The following DLGAP1 variants were observed in gnomAD, a reference collection of about 807,000 sequenced individuals.
The protein encoded by DLGAP1 is DLG associated protein 1, also known as disks large-associated protein 1.
Under a neutral mutation model 90.8 loss-of-function variants are expected in DLGAP1, and 11 were observed. The observed-to-expected ratio is 0.12, with a 90% confidence interval of 0.08 to 0.20. DLGAP1 has a LOEUF of 0.20. Among genes scored for constraint, DLGAP1 ranks in the 10% least tolerant of loss-of-function variants. The pLI, the probability that DLGAP1 is intolerant of heterozygous loss-of-function variation, is 1.00. For missense variants in DLGAP1, 1,050 were observed against 1,333.8 expected (o/e 0.79, Z 3.31); for synonymous variants, 558 against 540.7 (o/e 1.03, Z -0.44).
intron 6 of DLGAP1, among the ~76,000 whole-genome samples, chr18:3,736,579 T>A (rs1205205854): frequency 6.6e-6 from 1 of 152,180 alleles, no homozygotes; most frequent in African/African-American, 2.4e-5. Flanking sequence ...TTTGAGAAAA[T>A]AGCTCTAACA....
chr18:4,136,989 T>C (rs1404589262), intron 2 of DLGAP1, among the ~76,000 whole-genome samples: 3 of 152,146 alleles, frequency 2.0e-5, no homozygotes, highest in African/African-American at 4.8e-5. Context: ...CATGTTGGTG[T>C]GCTGCACCCA....
chr18:3,657,169 G>A (rs188535991), intron 7 of DLGAP1, among the ~76,000 whole-genome samples: 74 of 152,192 alleles, frequency 4.9e-4, no homozygotes, highest in Non-Finnish European at 9.0e-4. Flanking sequence ...CTAATCTTAC[G>A]CAATAGTCAT....
chr18:4,083,162 C>T (rs1298256464), intron 2 of DLGAP1, among the ~76,000 whole-genome samples: 5 of 152,180 alleles, frequency 3.3e-5, no homozygotes. Flanking sequence ...AGAAGGAACA[C>T]CCCAATTATT....
At chr18:4,025,423 A>C (rs2074683464) in intron 2 of DLGAP1, among the ~76,000 whole-genome samples, 1 of 152,124 alleles carries the variant, frequency 6.6e-6, no homozygotes, top group Non-Finnish European at 1.5e-5. Flanking sequence ...ATATTCCAAA[A>C]CCCAAAAAAA....
intron 1 of DLGAP1, among the ~76,000 whole-genome samples, chr18:4,198,770 A>C (rs2077550885): frequency 6.6e-6 from 1 of 152,212 alleles, no homozygotes; most frequent in African/African-American, 2.4e-5. Flanking sequence ...TTGTAGGTGC[A>C]TATCAAATGA....
intron 1 of DLGAP1, among the ~76,000 whole-genome samples, chr18:4,300,380 G>A (rs1016612194): frequency 1.3e-5 from 2 of 152,098 alleles, no homozygotes; most frequent in African/African-American, 2.4e-5. Flanking sequence ...AATATCACAT[G>A]CAAGACAAAA....
intron 3 of DLGAP1, among the ~76,000 whole-genome samples, chr18:3,942,051 T>C (rs369414686): frequency 6.6e-6 from 1 of 152,162 alleles, no homozygotes. Context: ...AATCACCAGG[T>C]CTTTCTTAGG....
At chr18:3,520,750 T>C (rs1469002634) in intron 10 of DLGAP1, among the ~76,000 whole-genome samples, 1 of 152,240 alleles carries the variant, frequency 6.6e-6, no homozygotes, top group Non-Finnish European at 1.5e-5. Flanking sequence ...GGTACTTTAT[T>C]ATGGCAGCCT....
rs534602278 is a variant in DLGAP1 at position 3,718,723 on chromosome 18, C to T, written c.1591+10412G>A. Among the ~76,000 whole-genome samples the T allele has an allele frequency of 2.3e-3, 345 of 148,496 alleles. 1 individual carries two copies. The highest frequency in any genetic ancestry group is 3.7e-3 in the Non-Finnish European group (250 of 66,794). ...GGTGGATCGCCTGAGGTCAGGAGTT[C>T]GAGACCAGCCTGGCCAACATGGTGA... On this transcript the variant is annotated intron_variant, in intron 7 of 12. Transcript: ENST00000315677.
At chr18:4,205,625 T>C (rs2077705189) in intron 1 of DLGAP1, among the ~76,000 whole-genome samples, 1 of 152,180 alleles carries the variant, frequency 6.6e-6, no homozygotes, top group Non-Finnish European at 1.5e-5. Context: ...CCCAAACTGC[T>C]GGGATTATAG....
chr18:4,171,871 T>G (rs1299077718), intron 1 of DLGAP1, among the ~76,000 whole-genome samples: 1 of 152,134 alleles, frequency 6.6e-6, no homozygotes, highest in Non-Finnish European at 1.5e-5. Flanking sequence ...CACTTCTGAG[T>G]GTATATTGGA....
At chr18:4,267,051 C>T (rs967992130) in intron 1 of DLGAP1, among the ~76,000 whole-genome samples, 3 of 152,134 alleles carry the variant, frequency 2.0e-5, no homozygotes, top group Non-Finnish European at 2.9e-5. Context: ...AACTATTTGC[C>T]TTTTCTTTTT....
chr18:4,271,471 A>C (rs1218481219), intron 1 of DLGAP1, among the ~76,000 whole-genome samples: 1 of 152,238 alleles, frequency 6.6e-6, no homozygotes, highest in Non-Finnish European at 1.5e-5. Flanking sequence ...TACTGCAAAT[A>C]AGAAAAATTT....
intron 4 of DLGAP1, among the ~76,000 whole-genome samples, chr18:3,876,201 G>A (rs2070999311): frequency 7.4e-6 from 1 of 136,012 alleles, no homozygotes; most frequent in South Asian, 2.4e-4. Context: ...TCATTTCCTA[G>A]AAGCAAGAAG....
intron 5 of DLGAP1, among the ~76,000 whole-genome samples, chr18:3,760,598 G>A (rs1568086010): frequency 6.6e-6 from 1 of 152,146 alleles, no homozygotes; most frequent in African/African-American, 2.4e-5. Flanking sequence ...GGAGGTCTGT[G>A]TGAGAACGCG....
chr18:3,509,057 G>T (rs2050391506), intron 10 of DLGAP1, among the ~76,000 whole-genome samples: 1 of 151,756 alleles, frequency 6.6e-6, no homozygotes, highest in Non-Finnish European at 1.5e-5. Context: ...TGGATTGATG[G>T]AGTCAGCCGT....
chr18:3,949,078 A>G (rs940733433), intron 3 of DLGAP1, among the ~76,000 whole-genome samples: 4 of 152,244 alleles, frequency 2.6e-5, no homozygotes, highest in African/African-American at 7.2e-5. Context: ...AGAAAAGTTT[A>G]AGAAAAAGAG....
chr18:4,363,854 C>G (rs1378116972), intron 1 of DLGAP1, among the ~76,000 whole-genome samples: 1 of 142,170 alleles, frequency 7.0e-6, no homozygotes, highest in Non-Finnish European at 1.6e-5. Flanking sequence ...GTGGCGATTC[C>G]TCAGGGATCT....
intron 1 of DLGAP1, among the ~76,000 whole-genome samples, chr18:4,373,111 G>C (rs1281354705): frequency 1.3e-5 from 2 of 151,982 alleles, no homozygotes; most frequent in African/African-American, 2.4e-5. Flanking sequence ...AGTGTAGACA[G>C]TGGGCAGCCA....
Sources: allele counts gnomAD v4.1 joint callset (sites outside exome capture counted in the v4.1 genomes callset), GRCh38; gene constraint gnomAD v4.1.1; transcripts MANE v1.5; gene names NCBI Gene and HGNC (gene_info 2026-07-23, HGNC 2026-07-21).